SLC71A2: variants seen among roughly 807,000 people sequenced by gnomAD.
SLC71A2 encodes hippocampus abundant transcript-like 1.
chr9:94,385,476 C>A, the SLC71A2 span, among the ~76,000 whole-genome samples: 1 of 152,174 alleles, frequency 6.6e-6, no homozygotes, highest in South Asian at 2.1e-4. Flanking sequence ...ATTACCAAAT[C>A]CAAGATTTAT....
chr9:94,386,056 T>C, the SLC71A2 span, among the ~76,000 whole-genome samples: 25 of 152,180 alleles, frequency 1.6e-4, no homozygotes, highest in African/African-American at 6.0e-4. Context: ...TCACATTGAA[T>C]AGTATTGATA....
chr9:94,399,364 G>A, the SLC71A2 span, among the ~76,000 whole-genome samples: 23 of 152,154 alleles, frequency 1.5e-4, no homozygotes, highest in African/African-American at 3.6e-4. Context: ...GCTTATTGCC[G>A]TTGAGTTTCT....
the SLC71A2 span, among the ~76,000 whole-genome samples, chr9:94,401,174 TTTG>T: frequency 2.6e-4 from 40 of 152,156 alleles, no homozygotes; most frequent in Admixed American, 1.2e-3. Context: ...GGCTAATTTT[TTTG>T]TTGTTGTTTT....
At chr9:94,447,481 GTT>G in the SLC71A2 span, among the ~76,000 whole-genome samples, 35,867 of 98,028 alleles carry the variant, frequency 0.37, 5,175 homozygotes, top group Admixed American at 0.47. Flanking sequence ...TGCCCAGCCT[GTT>G]TTTTTTTTTT....
chr9:94,384,993 C>T, the SLC71A2 span, among the ~76,000 whole-genome samples: 3 of 151,950 alleles, frequency 2.0e-5, no homozygotes, highest in South Asian at 2.1e-4. Flanking sequence ...CTTGGGATAA[C>T]GCAGTGAGAA....
chr9:94,420,630 G>A, the SLC71A2 span, among the ~76,000 whole-genome samples: 5 of 151,136 alleles, frequency 3.3e-5, no homozygotes, highest in Non-Finnish European at 7.4e-5. Context: ...GCCAGGCGTG[G>A]TGGCTCATGC....
the SLC71A2 span, among the ~76,000 whole-genome samples, chr9:94,401,869 C>T: frequency 3.3e-5 from 5 of 152,214 alleles, no homozygotes; most frequent in East Asian, 7.7e-4. Context: ...GACAGAGCAG[C>T]CCTGAGGGCT....
the SLC71A2 span, chr9:94,454,148 A>G: frequency 1.0e-6 from 1 of 959,758 alleles, no homozygotes; most frequent in Non-Finnish European, 1.7e-6. Context: ...GGGTGTGATG[A>G]GAAGGAAGCA....
At chr9:94,374,618 T>G in the SLC71A2 span, 1 of 153,338 alleles carries the variant, frequency 6.5e-6, no homozygotes, top group Admixed American at 6.5e-5. Context: ...GGTCGGTTCC[T>G]GGAGCTGCGG....
the SLC71A2 span, among the ~76,000 whole-genome samples, chr9:94,425,786 G>A: frequency 3.5e-4 from 53 of 152,224 alleles, no homozygotes; most frequent in African/African-American, 1.3e-3. Flanking sequence ...TTGGGAAAGG[G>A]CTATTACTGT....
At chr9:94,386,371 A>AG in the SLC71A2 span, among the ~76,000 whole-genome samples, 5 of 151,176 alleles carry the variant, frequency 3.3e-5, no homozygotes, top group African/African-American at 1.2e-4. Flanking sequence ...TACTCAGGCA[A>AG]GGTTTTCCTG....
At chr9:94,435,527 C>G in the SLC71A2 span, among the ~76,000 whole-genome samples, 1 of 152,118 alleles carries the variant, frequency 6.6e-6, no homozygotes, top group Middle Eastern at 3.2e-3. Flanking sequence ...AACAAAACCT[C>G]TTTTCCTTTT....
chr9:94,455,510 T>C, the SLC71A2 span, among the ~76,000 whole-genome samples: 1 of 151,510 alleles, frequency 6.6e-6, no homozygotes, highest in Admixed American at 6.6e-5. Context: ...CCACTGTCCC[T>C]AGCCGTCTGT....
the SLC71A2 span, among the ~76,000 whole-genome samples, chr9:94,455,118 C>A: frequency 5.8e-3 from 698 of 119,518 alleles, 2 homozygotes; most frequent in Middle Eastern, 0.018. Flanking sequence ...TATGCCCCTT[C>A]TGAATTTTGG....
the SLC71A2 span, among the ~76,000 whole-genome samples, chr9:94,379,089 C>CTTT: frequency 3.0e-4 from 25 of 84,110 alleles, 3 homozygotes; most frequent in African/African-American, 9.9e-4. Flanking sequence ...TGTGCATTTC[C>CTTT]TTTTTTTTTT....
At chr9:94,411,231 C>T in the SLC71A2 span, among the ~76,000 whole-genome samples, 9 of 147,534 alleles carry the variant, frequency 6.1e-5, no homozygotes, top group Admixed American at 1.4e-4. Context: ...GAATACCTCC[C>T]CATATTCATC....
chr9:94,435,177 C>A, the SLC71A2 span, among the ~76,000 whole-genome samples: 34 of 152,300 alleles, frequency 2.2e-4, no homozygotes, highest in Admixed American at 3.3e-4. Context: ...TAAACCCCAA[C>A]GCTTGAAAAT....
chr9:94,441,132 A>G, the SLC71A2 span: 12 of 1,206,422 alleles, frequency 9.9e-6, no homozygotes, highest in South Asian at 1.6e-4. Flanking sequence ...TTTTTTAACC[A>G]GAATAGTAAT....
At chr9:94,455,931 C>T in the SLC71A2 span, among the ~76,000 whole-genome samples, 5 of 152,152 alleles carry the variant, frequency 3.3e-5, no homozygotes, top group East Asian at 5.8e-4. Context: ...AATCTCCTTG[C>T]GAACTTCATT....
Sources: allele counts gnomAD v4.1 joint callset (sites outside exome capture counted in the v4.1 genomes callset), GRCh38; gene constraint gnomAD v4.1.1; transcripts MANE v1.5; gene names NCBI Gene and HGNC (gene_info 2026-07-23, HGNC 2026-07-21).